The following RHOA variants were observed in gnomAD, a reference collection of about 807,000 sequenced individuals.
RHOA encodes transforming protein RhoA.
Under a neutral mutation model 17.5 loss-of-function variants are expected in RHOA, and 3 were observed. The observed-to-expected ratio is 0.17, with a 90% CI of 0.08 to 0.44. RHOA has a LOEUF of 0.44. Ranked by LOEUF, RHOA falls within the 20% of genes least tolerant of loss-of-function variation. The pLI is 0.99. For synonymous variants in RHOA, 98 were observed against 88.4 expected (o/e 1.11, Z -0.61); for missense variants, 56 against 242.3 (o/e 0.23, Z 5.10).
At chr3:49,372,197 C>A (rs1353752668) in intron 2 of RHOA, among the ~76,000 whole-genome samples, 1 of 152,090 alleles carries the variant, frequency 6.6e-6, no homozygotes, top group Non-Finnish European at 1.5e-5. Context: ...CACAACTGGG[C>A]CCTGTGTCCA....
At chr3:49,371,569 G>A (rs11719762) in intron 2 of RHOA, among the ~76,000 whole-genome samples, 1 of 152,010 alleles carries the variant, frequency 6.6e-6, no homozygotes, top group South Asian at 2.1e-4. Flanking sequence ...TGTGAGCTAC[G>A]ACGTCTGGCC....
intron 1 of RHOA, among the ~76,000 whole-genome samples, chr3:49,397,950 T>G (rs781738593): frequency 6.6e-6 from 1 of 152,226 alleles, no homozygotes; most frequent in Non-Finnish European, 1.5e-5. Flanking sequence ...TTAGCGGGAC[T>G]GCTAGGCAGT....
intron 1 of RHOA, among the ~76,000 whole-genome samples, chr3:49,397,877 T>A (rs1273558817): frequency 6.6e-6 from 1 of 152,046 alleles, no homozygotes; most frequent in African/African-American, 2.4e-5. Flanking sequence ...AACAGGAGAT[T>A]TGAGCCAAAG....
intron 1 of RHOA, among the ~76,000 whole-genome samples, chr3:49,402,284 CAAAG>C (rs1212464860): frequency 3.3e-5 from 5 of 152,056 alleles, no homozygotes; most frequent in African/African-American, 1.2e-4. Context: ...GTAAAACTGA[CAAAG>C]AAAAATGAAC....
chr3:49,403,038 T>TAAAA (rs34145759), intron 1 of RHOA, among the ~76,000 whole-genome samples: 1 of 136,158 alleles, frequency 7.3e-6, no homozygotes, highest in Non-Finnish European at 1.6e-5. Flanking sequence ...TTCCATCTCA[T>TAAAA]AAAAAAAAAA....
At chr3:49,408,384 C>G (rs1227219417) in intron 1 of RHOA, among the ~76,000 whole-genome samples, 1 of 152,064 alleles carries the variant, frequency 6.6e-6, no homozygotes. Context: ...AAACTGCATA[C>G]TGATTGCAAT....
chr3:49,377,367 T>C (rs1009464778), intron 1 of RHOA, among the ~76,000 whole-genome samples: 1 of 151,916 alleles, frequency 6.6e-6, no homozygotes, highest in Non-Finnish European at 1.5e-5. Flanking sequence ...CCGAAACAGG[T>C]GGACTGCTTG....
chr3:49,382,471 C>A (rs540043415), intron 1 of RHOA, among the ~76,000 whole-genome samples: 1 of 152,096 alleles, frequency 6.6e-6, no homozygotes, highest in African/African-American at 2.4e-5. Flanking sequence ...CCCATCTCTA[C>A]CCAAAATACA....
chr3:49,362,679 C>CT, intron 3 of RHOA, 53 bp from the exon 4 acceptor site: 1 of 1,472,766 alleles, frequency 6.8e-7, no homozygotes, highest in Non-Finnish European at 9.2e-7. Flanking sequence ...ATCTTGAAGA[C>CT]TTTCCAAGAA....
In RHOA at chr3:49,387,112, C is replaced by T. The variant is rs553629606; in HGVS notation, c.-2-11521G>A. Among the ~76,000 whole-genome samples the T allele has an allele frequency of 3.3e-3, 196 of 58,518 alleles. 1 individual carries two copies. The highest frequency in any genetic ancestry group is 5.3e-3 in the Admixed American group (17 of 3,228). The allele number at this position is 58,518 out of a possible 152,430, so 38.4% of individuals were successfully genotyped here. A position where few individuals can be genotyped will look rare whatever the true frequency, so the allele number is the denominator to read the frequency against. On this transcript the variant is annotated intron_variant, in intron 1 of 4. Coordinates refer to ENST00000418115, the MANE Select transcript of RHOA (RefSeq NM_001664.4). ...AGCCTGGGCAACAAGAGAGAAACTC[C>T]GTCTCAAAAAAAAAAAAAAAAAAAA...
chr3:49,386,577 T>TCCA (rs2048398896), intron 1 of RHOA, among the ~76,000 whole-genome samples: 1 of 152,152 alleles, frequency 6.6e-6, no homozygotes, highest in South Asian at 2.1e-4. Flanking sequence ...TTCTAAACAT[T>TCCA]CCACTGTCTT....
At chr3:49,379,492 T>C (rs1425173514) in intron 1 of RHOA, among the ~76,000 whole-genome samples, 2 of 152,276 alleles carry the variant, frequency 1.3e-5, no homozygotes, top group South Asian at 2.1e-4. Context: ...CTATAAACTA[T>C]TGATTATAGT....
chr3:49,409,507 T>C (rs1420795714), intron 1 of RHOA, among the ~76,000 whole-genome samples: 1 of 152,194 alleles, frequency 6.6e-6, no homozygotes, highest in Non-Finnish European at 1.5e-5. Context: ...CCCAAGGTGC[T>C]GTCTACAGAA....
chr3:49,368,307 G>A, intron 3 of RHOA, 121 bp downstream of exon 3: 1 of 1,261,504 alleles, frequency 7.9e-7, no homozygotes, highest in Non-Finnish European at 1.1e-6. Context: ...CAGGACTCCG[G>A]CCACTGACGA....
At chr3:49,373,995 T>C (rs2048185337) in intron 2 of RHOA, among the ~76,000 whole-genome samples, 1 of 152,122 alleles carries the variant, frequency 6.6e-6, no homozygotes, top group Non-Finnish European at 1.5e-5. Context: ...GGAAGCACTG[T>C]TCTCACCATC....
At chr3:49,369,090 T>C (rs542538869) in intron 2 of RHOA, among the ~76,000 whole-genome samples, 68 of 133,724 alleles carry the variant, frequency 5.1e-4, no homozygotes, top group African/African-American at 1.9e-3. Flanking sequence ...AGTGGCAAGA[T>C]CTTGGCTCAC....
chr3:49,363,342 C>T (rs543335558), intron 3 of RHOA, among the ~76,000 whole-genome samples: 4 of 152,076 alleles, frequency 2.6e-5, no homozygotes, highest in Admixed American at 1.3e-4. Flanking sequence ...ATGGTGTGAA[C>T]CCGGGAGGCA....
chr3:49,384,514 A>ATT, intron 1 of RHOA, among the ~76,000 whole-genome samples: 1 of 147,214 alleles, frequency 6.8e-6, no homozygotes, highest in African/African-American at 2.5e-5. Context: ...ACAACTTTTA[A>ATT]TTTTTTTTTT....
intron 1 of RHOA, among the ~76,000 whole-genome samples, chr3:49,384,768 T>G (rs2048369772): frequency 6.6e-6 from 1 of 152,024 alleles, no homozygotes; most frequent in African/African-American, 2.4e-5. Context: ...TTCTAAAAAT[T>G]TAATTATCTT....
Sources: allele counts gnomAD v4.1 joint callset (sites outside exome capture counted in the v4.1 genomes callset), GRCh38; gene constraint gnomAD v4.1.1; transcripts MANE v1.5; gene names NCBI Gene and HGNC (gene_info 2026-07-23, HGNC 2026-07-21).